The following EGLN1 variants were observed in gnomAD, a reference collection of about 807,000 sequenced individuals.
The protein encoded by EGLN1 is egl-9 family hypoxia inducible factor 1, also known as egl nine homolog 1.
A neutral mutation model predicts 38.3 loss-of-function variants in EGLN1; 17 were observed. The ratio of observed to expected loss-of-function variants is 0.44; its 90% confidence interval spans 0.30 to 0.67. EGLN1 has a LOEUF of 0.67. Ranked by LOEUF, EGLN1 falls within the 30% of genes least tolerant of loss-of-function variation. The pLI is 0.08. For missense variants in EGLN1, 477 were observed against 603.3 expected (o/e 0.79, Z 2.19); for synonymous variants, 283 against 257.5 (o/e 1.10, Z -0.95).
At chr1:231,416,541 A>T (rs915662769) in intron 1 of EGLN1, among the ~76,000 whole-genome samples, 1 of 149,022 alleles carries the variant, frequency 6.7e-6, no homozygotes, top group East Asian at 2.0e-4. Flanking sequence ...CTAATTTTTT[A>T]ATTTTTTTAG....
chr1:231,393,676 A>T (rs1421147625), intron 1 of EGLN1, among the ~76,000 whole-genome samples: 1 of 152,174 alleles, frequency 6.6e-6, no homozygotes, highest in Admixed American at 6.5e-5. Flanking sequence ...TGGTATAAAC[A>T]GCCATCTTTA....
intron 1 of EGLN1, among the ~76,000 whole-genome samples, chr1:231,401,650 TA>T (rs1307366151): frequency 1.3e-5 from 2 of 152,202 alleles, no homozygotes; most frequent in African/African-American, 4.8e-5. Flanking sequence ...AGTTGCTGCA[TA>T]AAAGACTAGT....
chr1:231,419,338 G>A (rs926300862), intron 1 of EGLN1, among the ~76,000 whole-genome samples: 4 of 152,178 alleles, frequency 2.6e-5, no homozygotes, highest in African/African-American at 9.7e-5. Context: ...AAAGCAGGAA[G>A]ACAAAAGAGA....
intron 4 of EGLN1, 54 bp downstream of exon 4, chr1:231,367,515 C>A: frequency 6.4e-7 from 1 of 1,551,334 alleles, no homozygotes. Context: ...GAAAGCATCA[C>A]CTGATTGCAG....
chr1:231,371,439 TCTTA>T (rs1042925150), intron 2 of EGLN1, among the ~76,000 whole-genome samples: 25 of 152,150 alleles, frequency 1.6e-4, no homozygotes, highest in Non-Finnish European at 1.0e-4. Context: ...CACAAATACC[TCTTA>T]CTTAAATAAT....
chr1:231,370,125 T>C (rs1467831062), intron 3 of EGLN1, among the ~76,000 whole-genome samples: 1 of 152,234 alleles, frequency 6.6e-6, no homozygotes, highest in Non-Finnish European at 1.5e-5. Flanking sequence ...ACTTCTACTC[T>C]CTGGTTACCT....
chr1:231,383,918 C>T (rs140058409), intron 1 of EGLN1, among the ~76,000 whole-genome samples: 2 of 152,038 alleles, frequency 1.3e-5, no homozygotes, highest in African/African-American at 4.8e-5. Context: ...TTTAAACAAG[C>T]ACTTCATTGT....
chr1:231,411,400 G>A (rs911575056), intron 1 of EGLN1, among the ~76,000 whole-genome samples: 2 of 152,150 alleles, frequency 1.3e-5, no homozygotes, highest in Non-Finnish European at 2.9e-5. Context: ...CCAGTCTCAG[G>A]TCTTCACAGC....
chr1:231,411,335 C>T (rs1688937225), intron 1 of EGLN1, among the ~76,000 whole-genome samples: 1 of 152,202 alleles, frequency 6.6e-6, no homozygotes, highest in Non-Finnish European at 1.5e-5. Flanking sequence ...TTCCTGAGGC[C>T]TCCCCAGCCA....
rs376342020 is a variant in EGLN1, at chr1:231,370,644, T to C, written c.1066A>G (p.Ile356Val). The stretch of plus-strand genomic sequence containing the variant: ...AGCAGTCTATCAAATTTGGGTTCAA[T>C]GTCAGCAAACTGGGCTTTGCCTTCT... ...FPEGKAQFAD[I>V]EPKFDRLLFF... Residue 356 changes from isoleucine to valine, a missense_variant, in exon 3 of 5, where the codon ATT becomes GTT. Ile to Val is a conservative substitution (Grantham distance 29). Around this residue, in one of 4 missense-constraint regions of EGLN1, gnomAD observed 59 missense variants for 119.0 expected, o/e 0.50. Transcript: ENST00000366641. 2 of 1,614,054 alleles carry C rather than the reference T, an allele frequency of 1.2e-6. No homozygotes were observed. Among genetic ancestry groups the C allele is most frequent in the Non-Finnish European group, 1.7e-6 (2 of 1,180,034 alleles).
In EGLN1 at chr1:231,369,595, C is replaced by CTCAG. The variant is rs1558377602; in HGVS notation, c.1148+963_1148+966dup. ...CAGCTACAACCTGCTTAGCTTGCTA[C>CTCAG]TCAGTACGTGAATTAGGATGCAGGC... On this transcript the variant is annotated intron_variant, in intron 3 of 4. Transcript: ENST00000366641. The CTCAG allele has an allele frequency of 6.1e-6, 6 of 985,276 alleles. No homozygotes were observed. The East Asian group carries it at 5.7e-4, about 93-fold the overall frequency. 61.0% of individuals were successfully genotyped at this position (985,276 alleles called of 1,614,324 possible).
At chr1:231,417,908 C>T (rs1463444586) in intron 1 of EGLN1, among the ~76,000 whole-genome samples, 1 of 152,114 alleles carries the variant, frequency 6.6e-6, no homozygotes. Flanking sequence ...AAAAGAACAT[C>T]AGATTCTTAG....
chr1:231,370,505 A>T (rs1404157175), intron 3 of EGLN1, 57 bp downstream of exon 3: 17 of 1,585,592 alleles, frequency 1.1e-5, no homozygotes, highest in African/African-American at 1.3e-5. Flanking sequence ...TTTACTCTAC[A>T]GATTCCCTCC....
intron 2 of EGLN1, 116 bp from the exon 3 acceptor site, chr1:231,370,814 T>A: frequency 8.8e-7 from 1 of 1,142,456 alleles, no homozygotes; most frequent in South Asian, 1.3e-5. Flanking sequence ...CAAATACGTC[T>A]CAATAAAGTA....
chr1:231,418,412 C>G (rs569848631), intron 1 of EGLN1, among the ~76,000 whole-genome samples: 2 of 152,290 alleles, frequency 1.3e-5, no homozygotes, highest in East Asian at 3.9e-4. Flanking sequence ...AATGTTCTAC[C>G]TATAACTAGC....
intron 1 of EGLN1, among the ~76,000 whole-genome samples, chr1:231,374,853 T>C (rs1050989541): frequency 1.3e-5 from 2 of 152,130 alleles, no homozygotes; most frequent in African/African-American, 2.4e-5. Flanking sequence ...AGAAAATTAT[T>C]TGCTCAGATT....
intron 1 of EGLN1, among the ~76,000 whole-genome samples, chr1:231,376,783 A>C (rs1687968538): frequency 6.6e-6 from 1 of 152,234 alleles, no homozygotes; most frequent in Non-Finnish European, 1.5e-5. Context: ...ACAGTGGTTG[A>C]CATTTGGGTT....
intron 1 of EGLN1, among the ~76,000 whole-genome samples, chr1:231,374,982 T>C (rs907462305): frequency 5.3e-5 from 8 of 152,110 alleles, no homozygotes; most frequent in African/African-American, 1.9e-4. Context: ...TTAACTGAAA[T>C]TGGTAATGGT....
intron 1 of EGLN1, among the ~76,000 whole-genome samples, chr1:231,396,478 T>C (rs951244999): frequency 1.3e-5 from 2 of 152,114 alleles, no homozygotes; most frequent in African/African-American, 4.8e-5. Context: ...GGTCTCGATC[T>C]TTTGGCCTTG....
Sources: allele counts gnomAD v4.1 joint callset (sites outside exome capture counted in the v4.1 genomes callset), GRCh38; gene constraint gnomAD v4.1.1; regional missense constraint gnomAD v4.1.1; transcripts MANE v1.5; gene names NCBI Gene and HGNC (gene_info 2026-07-23, HGNC 2026-07-21).